Variants in MILR1 observed in about 807,000 individuals in gnomAD.
The protein encoded by MILR1 is allergin-1.
Under a neutral mutation model 18.5 loss-of-function variants are expected in MILR1, and 31 were observed. The observed-to-expected ratio is 1.68, with a 90% CI of 1.26 to 2.26. MILR1 has a LOEUF of 2.26. Among genes scored for constraint, MILR1 ranks in the 30% most tolerant of loss-of-function variants. The pLI is 0.00. For missense variants in MILR1, 257 were observed against 157.4 expected (o/e 1.63, Z -3.38); for synonymous variants, 85 against 56.2 (o/e 1.51, Z -2.30).
the MILR1 span, among the ~76,000 whole-genome samples, chr17:64,491,336 T>G: frequency 1.3e-5 from 2 of 152,202 alleles, no homozygotes; most frequent in South Asian, 2.1e-4. Context: ...GGCTCACGCC[T>G]GTTATGCCAG....
At chr17:64,470,162 C>T (rs368702059), downstream of MILR1, among the ~76,000 whole-genome samples, 17 of 152,204 alleles carry the variant, frequency 1.1e-4, no homozygotes, top group East Asian at 1.2e-3. Context: ...GGCACGATTT[C>T]GGCTCACTGC....
At chr17:64,490,795 C>T in the MILR1 span, 5 of 1,609,138 alleles carry the variant, frequency 3.1e-6, no homozygotes, top group Non-Finnish European at 4.3e-6. Context: ...GTAAAACATA[C>T]ATGTAATTTA....
At chr17:64,473,707 A>G in the MILR1 span, among the ~76,000 whole-genome samples, 1 of 152,216 alleles carries the variant, frequency 6.6e-6, no homozygotes, top group Non-Finnish European at 1.5e-5. Flanking sequence ...ATTCTATAAC[A>G]TTTTGGGTAA....
intron 2 of MILR1, among the ~76,000 whole-genome samples, chr17:64,450,270 C>T (rs1005622142): frequency 6.6e-6 from 1 of 152,036 alleles, no homozygotes; most frequent in Admixed American, 6.6e-5. Context: ...AAAGCACCTA[C>T]CTGGTAGGCT....
the MILR1 span, chr17:64,480,180 T>C: frequency 7.8e-5 from 24 of 305,736 alleles, no homozygotes; most frequent in Non-Finnish European, 1.2e-4. Context: ...AGGAATAATT[T>C]AAAATTATAT....
chr17:64,465,400 G>A, intron 5 of MILR1, 52 bp from the exon 6 acceptor site: 1 of 1,346,528 alleles, frequency 7.4e-7, no homozygotes, highest in Non-Finnish European at 1.0e-6. Context: ...GAGGAGATGA[G>A]AAAAATGTGG....
chr17:64,495,549 T>G, the MILR1 span, among the ~76,000 whole-genome samples: 1 of 152,138 alleles, frequency 6.6e-6, no homozygotes, highest in African/African-American at 2.4e-5. Flanking sequence ...TGCACTCGAG[T>G]CTGGGTGACA....
chr17:64,490,744 G>T, the MILR1 span: 9 of 1,412,240 alleles, frequency 6.4e-6, no homozygotes, highest in Non-Finnish European at 9.0e-6. Context: ...GTTCGGAAAT[G>T]ATTATAGAGA....
Position 64,452,876 on chromosome 17 carries a change from G to A in MILR1, c.367+10G>A. 1 of 474,812 alleles carries A rather than the reference G, an allele frequency of 2.1e-6. No individual in the cohort carries two copies. Among genetic ancestry groups the A allele is most frequent in the Non-Finnish European group, 3.9e-6 (1 of 258,842 alleles). 29.4% of individuals were successfully genotyped at this position (474,812 alleles called of 1,614,324 possible). On this transcript the variant is annotated intron_variant, in intron 3 of 9. Transcript: ENST00000619286. ...AGCTTCACGATTGTCGGTAAGTAGA[G>A]TGCCTGTTCCTTGGAGCCCCTATAA... is the stretch of plus-strand genomic sequence containing the variant.
intron 5 of MILR1, among the ~76,000 whole-genome samples, chr17:64,463,970 C>T (rs1438977096): frequency 6.6e-6 from 1 of 151,570 alleles, no homozygotes; most frequent in Non-Finnish European, 1.5e-5. Flanking sequence ...ATTACAGGCG[C>T]CCACCACCAC....
chr17:64,492,747 A>G, the MILR1 span: 8 of 1,612,874 alleles, frequency 5.0e-6, no homozygotes, highest in African/African-American at 1.1e-4. Flanking sequence ...AACCATACTA[A>G]CGAAGCTTCA....
intron 2 of MILR1, among the ~76,000 whole-genome samples, chr17:64,452,211 T>A (rs2037190031): frequency 6.6e-6 from 1 of 151,854 alleles, no homozygotes; most frequent in South Asian, 2.1e-4. Context: ...GTGCTAGGAT[T>A]ATAGGCGTCA....
At chr17:64,485,728 CTTT>C in the MILR1 span, 1 of 1,611,842 alleles carries the variant, frequency 6.2e-7, no homozygotes, top group Non-Finnish European at 8.5e-7. Flanking sequence ...TCAACAGCAC[CTTT>C]CTATGAAGAT....
chr17:64,492,404 C>A, the MILR1 span, among the ~76,000 whole-genome samples: 1 of 152,112 alleles, frequency 6.6e-6, no homozygotes, highest in Non-Finnish European at 1.5e-5. Context: ...CTACATCAGC[C>A]AGGAATGCTA....
chr17:64,492,917 G>C, the MILR1 span: 3 of 1,613,892 alleles, frequency 1.9e-6, no homozygotes, highest in African/African-American at 2.7e-5. Context: ...TTTCGTATCT[G>C]CTTAGTGTCA....
chr17:64,486,325 C>T, the MILR1 span, among the ~76,000 whole-genome samples: 1 of 151,340 alleles, frequency 6.6e-6, no homozygotes, highest in Non-Finnish European at 1.5e-5. Flanking sequence ...TTCTTTAATG[C>T]TTCCGAGCTC....
the MILR1 span, among the ~76,000 whole-genome samples, chr17:64,494,470 AATG>A: frequency 6.6e-6 from 1 of 152,176 alleles, no homozygotes; most frequent in Non-Finnish European, 1.5e-5. Context: ...TGCTTGAATC[AATG>A]ATATCGGGGT....
At chr17:64,496,552 T>C in the MILR1 span, 1 of 1,613,108 alleles carries the variant, frequency 6.2e-7, no homozygotes, top group Non-Finnish European at 8.5e-7. Flanking sequence ...TGTCCCCGGG[T>C]AGCAAAGGGC....
intron 2 of MILR1, among the ~76,000 whole-genome samples, chr17:64,450,052 C>A (rs2037132469): frequency 6.6e-6 from 1 of 151,906 alleles, no homozygotes; most frequent in Non-Finnish European, 1.5e-5. Flanking sequence ...GATTCTCCTG[C>A]CTCAGCCTCC....
Sources: gnomAD v4.1 joint callset for allele counts (sites outside exome capture counted in the v4.1 genomes callset) on GRCh38, gnomAD v4.1.1 for gene constraint, MANE v1.5 for transcripts, NCBI Gene and HGNC (gene_info 2026-07-23, HGNC 2026-07-21) for gene names.